Variants in LIPI observed in about 807,000 individuals in gnomAD.
LIPI encodes the protein lipase member I.
Under a neutral mutation model 50.6 loss-of-function variants are expected in LIPI, and 59 were observed. The observed-to-expected ratio is 1.16, with a 90% CI of 0.94 to 1.45. The LOEUF (loss-of-function observed/expected upper bound fraction) is 1.45. Among genes scored for constraint, LIPI ranks in the 40% most tolerant of loss-of-function variants. The probability of loss-of-function intolerance (pLI) is 0.00; values close to 1 mark genes in which losing one functional copy is unlikely to be tolerated. For synonymous variants in LIPI, 203 were observed against 178.2 expected (o/e 1.14, Z -1.11); for missense variants, 586 against 536.3 (o/e 1.09, Z -0.92).
Position 14,167,053 on chromosome 21 carries a change from A to T in LIPI, c.644-602T>A, listed in dbSNP as rs140983849. 7.7e-3 allele frequency among the ~76,000 whole-genome samples: 1,174 copies of T among 152,314 alleles called. 19 individuals are homozygous for T. The highest frequency in any genetic ancestry group is 0.026 in the African/African-American group (1,069 of 41,574). ...TGGGCTTAAAAAACGGCCCACCAGG[A>T]GATTATATCCCACACATGGCTCGGA... On this transcript the variant is annotated intron_variant, in intron 4 of 9. Coordinates refer to ENST00000681601, the MANE Select transcript of LIPI (RefSeq NM_001302998.2).
intron 9 of LIPI, among the ~76,000 whole-genome samples, chr21:14,135,145 G>A (rs1224838311): frequency 6.6e-6 from 1 of 152,084 alleles, no homozygotes; most frequent in Non-Finnish European, 1.5e-5. Flanking sequence ...ATACATTTTT[G>A]TAAAGAAGAC....
At chr21:14,167,683 A>G (rs1036364055) in intron 4 of LIPI, among the ~76,000 whole-genome samples, 11 of 152,336 alleles carry the variant, frequency 7.2e-5, no homozygotes, top group Non-Finnish European at 1.6e-4. Flanking sequence ...ACTAACAAAC[A>G]GAAAGGACAT....
chr21:14,185,789 A>C (rs2019431332), intron 3 of LIPI, among the ~76,000 whole-genome samples, 172 bp downstream of exon 3: 1 of 152,098 alleles, frequency 6.6e-6, no homozygotes, highest in Admixed American at 6.6e-5. Context: ...AGGCTGAGGC[A>C]GGAGAATCAC....
At chr21:14,153,400 C>T (rs183426690) in intron 7 of LIPI, among the ~76,000 whole-genome samples, 52 of 152,236 alleles carry the variant, frequency 3.4e-4, no homozygotes, top group Non-Finnish European at 6.8e-4. Flanking sequence ...TACCTCACAG[C>T]CTTAGGCAAA....
At chr21:14,111,642 G>A (rs1285679057) in intron 9 of LIPI, among the ~76,000 whole-genome samples, 1 of 151,908 alleles carries the variant, frequency 6.6e-6, no homozygotes, top group Non-Finnish European at 1.5e-5. Context: ...TGCTTTTGAG[G>A]TCATATCCAA....
intron 7 of LIPI, 74 bp downstream of exon 7, chr21:14,163,345 A>C: frequency 1.3e-6 from 1 of 757,020 alleles, no homozygotes. Context: ...TGCAAAGAAC[A>C]CTTTGAATCA....
chr21:14,189,118 A>T lies in LIPI; in HGVS notation c.348T>A (p.Gly116=). Residue 116 remains glycine, a synonymous_variant, in exon 2 of 10, where the codon GGT becomes GGA. Transcript: ENST00000681601. ...MNVIVVDWSR[G]ATTFIYNRAV... ...CTCTATTATAAATAAAAGTTGTAGC[A>T]CCCCGGCTCCAGTCTACTACAATTA... The T allele has an allele frequency of 6.2e-7, 1 of 1,613,662 alleles. No individual in the cohort carries two copies. Among genetic ancestry groups the T allele is most frequent in the South Asian group, 1.1e-5 (1 of 91,082 alleles).
intron 8 of LIPI, among the ~76,000 whole-genome samples, chr21:14,145,474 C>T (rs967899991): frequency 6.6e-6 from 1 of 152,108 alleles, no homozygotes; most frequent in African/African-American, 2.4e-5. Flanking sequence ...ATGTGGGTCC[C>T]TGGAGTCATT....
intron 2 of LIPI, 65 bp downstream of exon 2, chr21:14,188,969 G>T: frequency 7.8e-7 from 1 of 1,277,196 alleles, no homozygotes; most frequent in Non-Finnish European, 1.1e-6. Context: ...GTAACACACT[G>T]CATATTGTAT....
At chr21:14,125,374 C>T (rs182944584) in intron 9 of LIPI, among the ~76,000 whole-genome samples, 1 of 152,020 alleles carries the variant, frequency 6.6e-6, no homozygotes, top group Non-Finnish European at 1.5e-5. Context: ...AAGTTATAAA[C>T]CCTAAATAAA....
chr21:14,121,679 A>T (rs747525196), intron 9 of LIPI, among the ~76,000 whole-genome samples: 1 of 152,158 alleles, frequency 6.6e-6, no homozygotes, highest in Non-Finnish European at 1.5e-5. Context: ...CCCATATTGT[A>T]ATCATGTCTA....
At chr21:14,185,780 G>A (rs2019431125) in intron 3 of LIPI, among the ~76,000 whole-genome samples, 181 bp downstream of exon 3, 1 of 152,016 alleles carries the variant, frequency 6.6e-6, no homozygotes, top group African/African-American at 2.4e-5. Context: ...CTACTCAGGA[G>A]GCTGAGGCAG....
chr21:14,112,267 GT>G (rs747171306), intron 9 of LIPI, among the ~76,000 whole-genome samples: 1 of 152,004 alleles, frequency 6.6e-6, no homozygotes, highest in Non-Finnish European at 1.5e-5. Flanking sequence ...AAGTTATTTG[GT>G]GTGATGTCTC....
At chr21:14,178,334 C>T (rs1039168210) in intron 4 of LIPI, among the ~76,000 whole-genome samples, 32 of 152,156 alleles carry the variant, frequency 2.1e-4, no homozygotes, top group African/African-American at 7.0e-4. Context: ...ATGTAATTTA[C>T]CATGTCATTG....
At chr21:14,204,819 A>T (rs762026848) in intron 1 of LIPI, among the ~76,000 whole-genome samples, 2 of 151,966 alleles carry the variant, frequency 1.3e-5, no homozygotes, top group Non-Finnish European at 2.9e-5. Flanking sequence ...AGAAGGACAC[A>T]GTTAATATAT....
At chr21:14,164,923 G>A (rs764153746) in intron 6 of LIPI, among the ~76,000 whole-genome samples, 4 of 152,144 alleles carry the variant, frequency 2.6e-5, no homozygotes, top group Non-Finnish European at 5.9e-5. Flanking sequence ...AATATAGTTG[G>A]ATGATAGTTA....
At chr21:14,173,673 G>T (rs2123206634) in intron 4 of LIPI, among the ~76,000 whole-genome samples, 1 of 152,318 alleles carries the variant, frequency 6.6e-6, no homozygotes, top group Middle Eastern at 3.4e-3. Flanking sequence ...GACAGTAAGG[G>T]TTTAGATGCT....
chr21:14,110,538 T>A (rs2016361688), intron 9 of LIPI, among the ~76,000 whole-genome samples: 1 of 152,018 alleles, frequency 6.6e-6, no homozygotes, highest in Non-Finnish European at 1.5e-5. Context: ...TGTTATTAAC[T>A]GTGGTCACCA....
At chr21:14,132,964 C>T (rs2017350983) in intron 9 of LIPI, among the ~76,000 whole-genome samples, 1 of 152,016 alleles carries the variant, frequency 6.6e-6, no homozygotes, top group African/African-American at 2.4e-5. Flanking sequence ...AATAAAACAC[C>T]TCAACAGACC....
Sources: gnomAD v4.1 joint callset for allele counts (sites outside exome capture counted in the v4.1 genomes callset) on GRCh38, gnomAD v4.1.1 for gene constraint, MANE v1.5 for transcripts, NCBI Gene and HGNC (gene_info 2026-07-23, HGNC 2026-07-21) for gene names.